The following LIN7A variants were observed in gnomAD, a reference collection of about 807,000 sequenced individuals.
LIN7A encodes protein lin-7 homolog A.
Under a neutral mutation model 29.8 loss-of-function variants are expected in LIN7A, and 25 were observed. That is an observed-to-expected ratio of 0.84 (90% CI 0.61 to 1.17). The LOEUF (loss-of-function observed/expected upper bound fraction) is 1.17, where lower values mean the gene tolerates loss of function less well. Ranked by LOEUF, LIN7A falls within the 50% of genes most tolerant of loss-of-function variation. LIN7A has a pLI of 0.00. For missense variants in LIN7A, 239 were observed against 287.0 expected (o/e 0.83, Z 1.21); for synonymous variants, 118 against 107.5 (o/e 1.10, Z -0.60).
At chr12:80,829,559 A>C (rs1030675191) in intron 4 of LIN7A, among the ~76,000 whole-genome samples, 1 of 152,192 alleles carries the variant, frequency 6.6e-6, no homozygotes, top group Non-Finnish European at 1.5e-5. Flanking sequence ...GAAATACTTC[A>C]TGTTTAAAAT....
Position 80,811,482 on chromosome 12 carries a change from G to T in LIN7A, c.685C>A (p.Gln229Lys). 4 of 1,469,568 alleles carry T rather than the reference G, an allele frequency of 2.7e-6. No individual in the cohort carries two copies. Among genetic ancestry groups the T allele is most frequent in the South Asian group, 1.2e-5 (1 of 85,214 alleles). 91.0% of individuals were successfully genotyped at this position (1,469,568 alleles called of 1,614,324 possible). A position where few individuals can be genotyped will look rare whatever the true frequency, so the allele number is the denominator to read the frequency against. ...CTTCTCACCTATGACATGTGGTTTT[G>T]TTGTGTTTGTTGCTGCTGCTGCTGT... ...QQQQQQQQTQ[Q>K]NHMS is the part of the protein sequence containing the mutation. Residue 229 changes from glutamine (Q) to lysine (K), a missense_variant, in exon 5 of 6, where the codon CAA becomes AAA. Transcript: ENST00000552864.
intron 1 of LIN7A, among the ~76,000 whole-genome samples, chr12:80,919,979 G>A (rs1877220313): frequency 1.3e-5 from 2 of 152,274 alleles, no homozygotes; most frequent in Middle Eastern, 3.4e-3. Flanking sequence ...ATCTCTCGGT[G>A]ACACATGTGC....
At chr12:80,801,521 AAAT>A (rs1870720480) in intron 5 of LIN7A, among the ~76,000 whole-genome samples, 2 of 152,350 alleles carry the variant, frequency 1.3e-5, no homozygotes. Context: ...TTCAATTGGC[AAAT>A]AATAATTGTA....
At chr12:80,812,133 GCA>G (rs1871321020) in intron 4 of LIN7A, among the ~76,000 whole-genome samples, 1 of 152,110 alleles carries the variant, frequency 6.6e-6, no homozygotes, top group Non-Finnish European at 1.5e-5. Context: ...GTAGAACATA[GCA>G]CAGAGTCCAG....
At chr12:80,849,537 T>G (rs1364652723) in intron 2 of LIN7A, among the ~76,000 whole-genome samples, 3 of 152,108 alleles carry the variant, frequency 2.0e-5, no homozygotes, top group Non-Finnish European at 2.9e-5. Flanking sequence ...TACACTTTGG[T>G]GATCATCAAG....
At chr12:80,798,517 T>C (rs1042486521) in intron 5 of LIN7A, among the ~76,000 whole-genome samples, 14 of 152,134 alleles carry the variant, frequency 9.2e-5, no homozygotes, top group Non-Finnish European at 2.9e-5. Context: ...CATAAACCCA[T>C]TGTGTTTCCT....
At chr12:80,922,609 C>A (rs1877373969) in intron 1 of LIN7A, among the ~76,000 whole-genome samples, 1 of 152,168 alleles carries the variant, frequency 6.6e-6, no homozygotes, top group South Asian at 2.1e-4. Flanking sequence ...ATAATTTAAT[C>A]TGAGATAGTT....
chr12:80,931,554 CT>C (rs1461587288), intron 1 of LIN7A, among the ~76,000 whole-genome samples: 29 of 151,468 alleles, frequency 1.9e-4, no homozygotes, highest in Admixed American at 1.9e-3. Context: ...CAGAGAATCG[CT>C]TAAACCCAAA....
At chr12:80,895,929 C>G in intron 1 of LIN7A, among the ~76,000 whole-genome samples, 1 of 152,170 alleles carries the variant, frequency 6.6e-6, no homozygotes. Flanking sequence ...ACCCATGATT[C>G]TTGTCTGTGA....
intron 4 of LIN7A, among the ~76,000 whole-genome samples, chr12:80,815,967 A>G (rs976224063): frequency 2.0e-5 from 3 of 152,146 alleles, no homozygotes; most frequent in Admixed American, 1.3e-4. Context: ...CCTAAAAAGA[A>G]ATGTTACCTA....
chr12:80,893,493 A>G (rs781333750), intron 1 of LIN7A, among the ~76,000 whole-genome samples: 10 of 152,218 alleles, frequency 6.6e-5, no homozygotes, highest in African/African-American at 2.2e-4. Context: ...ACACGTCTCC[A>G]TTAAGACTTA....
chr12:80,910,497 A>G (rs1444902852), intron 1 of LIN7A, among the ~76,000 whole-genome samples: 4 of 152,154 alleles, frequency 2.6e-5, no homozygotes, highest in Non-Finnish European at 5.9e-5. Context: ...TTTACCATTA[A>G]GTATGATATC....
chr12:80,803,703 T>C (rs1355426412), intron 5 of LIN7A, among the ~76,000 whole-genome samples: 2 of 152,254 alleles, frequency 1.3e-5, no homozygotes, highest in African/African-American at 4.8e-5. Flanking sequence ...CATTGAATTC[T>C]ACAGCATTAT....
Position 80,921,165 on chromosome 12 carries a change from C to T in LIN7A, c.82+16476G>A, listed in dbSNP as rs543215493. On this transcript the variant is annotated intron_variant, in intron 1 of 5. Transcript: ENST00000552864. ...GAGAGCTGCCTTGCCCCTTCTACCA[C>T]GTGAGGACACAGCAAGAAGGTGTCC... Among the ~76,000 whole-genome samples the T allele has an allele frequency of 5.3e-5, 8 of 152,166 alleles. No individual in the cohort carries two copies. In the East Asian group the frequency reaches 9.7e-4, roughly 18 times the overall value.
Position 80,887,699 on chromosome 12 carries a change from T to C in LIN7A, c.201+1552A>G, listed in dbSNP as rs369916220. On this transcript the variant is annotated intron_variant, in intron 2 of 5. Coordinates refer to ENST00000552864, the MANE Select transcript of LIN7A (RefSeq NM_004664.4). The stretch of plus-strand genomic sequence containing the variant: ...CTCCAGTCTTGTCACTCTGATATTG[T>C]ATTGTATATTTATTTATCATAGTTT... Among the ~76,000 whole-genome samples the C allele has an allele frequency of 8.3e-4, 127 of 152,242 alleles. 1 individual carries two copies. Among genetic ancestry groups the C allele is most frequent in the Non-Finnish European group, 1.6e-4 (11 of 67,990 alleles).
At chr12:80,873,150 C>T (rs797008806) in intron 2 of LIN7A, among the ~76,000 whole-genome samples, 2 of 152,118 alleles carry the variant, frequency 1.3e-5, no homozygotes, top group African/African-American at 4.8e-5. Context: ...GTGAAGCAAT[C>T]GTTAGGGAAA....
chr12:80,845,326 A>G (rs1162018963), intron 4 of LIN7A, among the ~76,000 whole-genome samples: 2 of 152,118 alleles, frequency 1.3e-5, no homozygotes, highest in East Asian at 1.9e-4. Flanking sequence ...CTTCCTCTGT[A>G]ATTAAAATGA....
intron 4 of LIN7A, among the ~76,000 whole-genome samples, chr12:80,834,943 AGT>A (rs1362894310): frequency 6.6e-6 from 1 of 152,198 alleles, no homozygotes; most frequent in African/African-American, 2.4e-5. Context: ...AGCATAAATA[AGT>A]TAGAAGAATG....
At chr12:80,889,484 A>G (rs761718416) in intron 1 of LIN7A, 115 bp from the exon 2 acceptor site, 55 of 672,950 alleles carry the variant, frequency 8.2e-5, no homozygotes, top group Non-Finnish European at 1.4e-4. Context: ...CTTAAATTGC[A>G]TAATCAGAAC....
Sources: gnomAD v4.1 joint callset for allele counts (sites outside exome capture counted in the v4.1 genomes callset) on GRCh38, gnomAD v4.1.1 for gene constraint, MANE v1.5 for transcripts, NCBI Gene and HGNC (gene_info 2026-07-23, HGNC 2026-07-21) for gene names.